Variants in COBLL1 observed in about 807,000 individuals in gnomAD.
The protein encoded by COBLL1 is cordon-bleu WH2 repeat protein like 1.
COBLL1 carries 50 observed loss-of-function variants against 94.8 expected under a neutral mutation model. The ratio of observed to expected loss-of-function variants is 0.53; its 90% confidence interval spans 0.42 to 0.67. COBLL1 has a LOEUF of 0.67. COBLL1 is among the 30% of genes least tolerant of loss of function. The pLI, the probability that COBLL1 is intolerant of heterozygous loss-of-function variation, is 0.00. For missense variants in COBLL1, 1,362 were observed against 1,348.7 expected (o/e 1.01, Z -0.15); for synonymous variants, 448 against 473.8 (o/e 0.95, Z 0.71).
intron 5 of COBLL1, among the ~76,000 whole-genome samples, chr2:164,727,647 G>C (rs1685780044): frequency 6.8e-6 from 1 of 147,316 alleles, no homozygotes; most frequent in Non-Finnish European, 1.5e-5. Context: ...TTTATTTTCT[G>C]TTTAAGCCTC....
chr2:164,697,229 T>A (rs1199472825), intron 11 of COBLL1: 2 of 152,176 alleles, frequency 1.3e-5, no homozygotes, highest in African/African-American at 4.8e-5. Context: ...ATTAAACATG[T>A]AATTTTAAAA....
intron 2 of COBLL1, chr2:164,800,631 A>C (rs1683722686): frequency 1.4e-6 from 1 of 691,942 alleles, no homozygotes; most frequent in Non-Finnish European, 2.6e-6. Flanking sequence ...ATTCATAATG[A>C]ACCCAAACTG....
At chr2:164,768,637 T>C (rs1558996551) in intron 2 of COBLL1, among the ~76,000 whole-genome samples, 1 of 152,160 alleles carries the variant, frequency 6.6e-6, no homozygotes, top group Non-Finnish European at 1.5e-5. Context: ...TTATGTCTAT[T>C]AGTTAAATGC....
chr2:164,704,817 G>T, intron 8 of COBLL1, 135 bp downstream of exon 8: 3 of 970,432 alleles, frequency 3.1e-6, no homozygotes, highest in Non-Finnish European at 4.5e-6. Context: ...CGGCAGCAAA[G>T]TGAGACTAAT....
intron 3 of COBLL1, among the ~76,000 whole-genome samples, chr2:164,735,746 G>C (rs1686271117): frequency 6.6e-6 from 1 of 152,130 alleles, no homozygotes; most frequent in Non-Finnish European, 1.5e-5. Flanking sequence ...ATTCTGGTTG[G>C]ATAATCATCC....
chr2:164,770,230 G>A (rs1300559097), intron 2 of COBLL1, among the ~76,000 whole-genome samples: 1 of 151,762 alleles, frequency 6.6e-6, no homozygotes, highest in Non-Finnish European at 1.5e-5. Context: ...ACTGTATGCC[G>A]TATCTGTGTG....
rs1199807519 is a variant in COBLL1 at position 164,694,318 on chromosome 2, T to C, written c.3074A>G (p.His1025Arg). ...GATGTCCACAAATTTATTTACAGAA[T>C]GAGTCTTCCCTTCCTCTGTGTTGGC... ...PPANTEEGKT[H>R]SVNKFVDIPQ... is the part of the protein sequence containing the mutation. The change falls in exon 12 of 14, where the codon CAT becomes CGT. Residue 1025 changes from histidine to arginine, a missense_variant. By Grantham distance (29) the His-to-Arg change is conservative. Coordinates refer to ENST00000652658, the MANE Select transcript of COBLL1 (RefSeq NM_001365672.2). 6.2e-7 allele frequency: 1 copy of C among 1,613,350 alleles called. No individual in the cohort carries two copies. Among genetic ancestry groups the C allele is most frequent in the Non-Finnish European group, 8.5e-7 (1 of 1,179,314 alleles).
At position 164,728,156 on chromosome 2, in the gene COBLL1, C is replaced by A; in HGVS notation, c.474G>T (p.Lys158Asn). 6.2e-7 allele frequency: 1 copy of A among 1,613,556 alleles called. No individual in the cohort carries two copies. The highest frequency in any genetic ancestry group is 8.5e-7 in the Non-Finnish European group (1 of 1,179,580). ...CATGTGGACTCACTCTCACTATGGTCTTCTGTGTTTTCTTAAAATTAATCA... is the reference window on the plus strand; with the variant it reads ...CATGTGGACTCACTCTCACTATGGTATTCTGTGTTTTCTTAAAATTAATCA... ...RVVINFKKTQKTIVRVSPHAS... is the reference protein window; with the variant it reads ...RVVINFKKTQNTIVRVSPHAS... Residue 158 changes from lysine (K) to asparagine (N), a missense_variant, in exon 5 of 14, where the codon AAG (lysine) becomes AAT (asparagine). By Grantham distance (94) the Lys-to-Asn change is moderately conservative (BLOSUM62 0). Coordinates refer to ENST00000652658, the MANE Select transcript of COBLL1 (RefSeq NM_001365672.2).
chr2:164,703,056 T>C, intron 9 of COBLL1: 1 of 1,111,056 alleles, frequency 9.0e-7, no homozygotes, highest in East Asian at 2.4e-5. Context: ...GATGATATCT[T>C]AACCTGCCTG....
chr2:164,800,419 C>G, intron 2 of COBLL1: 1 of 600,760 alleles, frequency 1.7e-6, no homozygotes, highest in Non-Finnish European at 3.0e-6. Flanking sequence ...ACCAACGATA[C>G]TATGTTGGTG....
At position 164,694,424 on chromosome 2, in the gene COBLL1, G is replaced by A. The variant is rs1340855773; in HGVS notation, c.2968C>T (p.Leu990Phe). ...YSSSGPSPFA[L>F]AVVKRSQSFS... ...GACTGTGACCTTTTCACTACAGCAA[G>A]AGCAAACGGTGAAGGACCAGAACTT... Residue 990 changes from leucine (L) to phenylalanine (F), a missense_variant, in exon 12 of 14, where the codon CTT becomes TTT. Transcript: ENST00000652658. 3 of 1,613,934 alleles carry A rather than the reference G, an allele frequency of 1.9e-6. No individual in the cohort carries two copies. Among genetic ancestry groups the A allele is most frequent in the Middle Eastern group, 1.6e-4 (1 of 6,062 alleles).
chr2:164,762,574 C>T (rs901752418), intron 2 of COBLL1, among the ~76,000 whole-genome samples: 10 of 152,184 alleles, frequency 6.6e-5, no homozygotes, highest in African/African-American at 1.4e-4. Flanking sequence ...GTGTATTATA[C>T]GAGAACAAAC....
chr2:164,694,888 G>A lies in COBLL1; in HGVS notation c.2504C>T (p.Thr835Ile). The A allele has an allele frequency of 6.2e-7, 1 of 1,613,988 alleles. No homozygotes were observed. The highest frequency in any genetic ancestry group is 1.7e-5 in the Admixed American group (1 of 59,994). The change falls in exon 12 of 14, where the codon ACA (threonine) becomes ATA (isoleucine). Residue 835 changes from threonine to isoleucine, a missense_variant. Thr to Ile is a moderately conservative substitution (Grantham distance 89). Coordinates refer to ENST00000652658, the MANE Select transcript of COBLL1 (RefSeq NM_001365672.2). ...PAPKMTRDTGTAPFAPNLEEI... is the reference protein window; with the variant it reads ...PAPKMTRDTGIAPFAPNLEEI... ...TTCCAAATTTGGTGCAAAAGGAGCT[G>A]TGCCAGTGTCTCTTGTCATTTTGGG...
chr2:164,841,329 C>A lies in COBLL1; in HGVS notation c.-50-83G>T, dbSNP rs1170809259. 1.7e-6 allele frequency: 2 copies of A among 1,205,124 alleles called. No individual in the cohort carries two copies. Among genetic ancestry groups the A allele is most frequent in the African/African-American group, 1.6e-5 (1 of 63,216 alleles). The allele number at this position is 1,205,124 out of a possible 1,614,324, so 74.7% of individuals were successfully genotyped here. The stretch of plus-strand genomic sequence containing the variant: ...CGAAGCTGGCTGAGCGTCAAGAGCC[C>A]GCCCGAGCCGCTCCAGCCCCGGCCG... On this transcript the variant is annotated intron_variant, in intron 1 of 13. Transcript: ENST00000652658. This position sits in a 1 kb window ranked among gnomAD's most constrained non-coding sequence, Gnocchi z 5.5.
chr2:164,840,841 C>A, intron 2 of COBLL1: 1 of 298,852 alleles, frequency 3.3e-6, no homozygotes, highest in Non-Finnish European at 6.1e-6. Context: ...CACCGCTCCC[C>A]CAGAGCCCAA....
At chr2:164,834,541 C>G (rs1451623938) in intron 2 of COBLL1, among the ~76,000 whole-genome samples, 1 of 152,188 alleles carries the variant, frequency 6.6e-6, no homozygotes, top group Non-Finnish European at 1.5e-5. Flanking sequence ...ACTTAGAAGT[C>G]TCCTGTATGC....
Position 164,743,825 on chromosome 2 carries a change from G to T in COBLL1, c.92C>A (p.Thr31Asn), listed in dbSNP as rs371657216. 2 of 1,610,782 alleles carry T rather than the reference G, an allele frequency of 1.2e-6. No homozygotes were observed. Among genetic ancestry groups the T allele is most frequent in the Non-Finnish European group, 1.7e-6 (2 of 1,177,846 alleles). ...APLPPAETKYTDVSSAADSVE... is the reference protein window; with the variant it reads ...APLPPAETKYNDVSSAADSVE... ...AGAATCAGCAGCTGAAGAGACATCA[G>T]TATATTTGGTCTCAGCTGGAGGAAG... is the stretch of plus-strand genomic sequence containing the variant. Residue 31 changes from threonine (T) to asparagine (N), a missense_variant, in exon 3 of 14, where the codon ACT becomes AAT. By Grantham distance (65) the Thr-to-Asn change is moderately conservative. Transcript: ENST00000652658.
chr2:164,781,505 A>G (rs1222041259), intron 2 of COBLL1, among the ~76,000 whole-genome samples: 1 of 152,208 alleles, frequency 6.6e-6, no homozygotes, highest in Non-Finnish European at 1.5e-5. Flanking sequence ...CACTTTGTAA[A>G]GTGCTGCTGA....
At chr2:164,781,578 C>T (rs964477980) in intron 2 of COBLL1, among the ~76,000 whole-genome samples, 2 of 152,162 alleles carry the variant, frequency 1.3e-5, no homozygotes, top group African/African-American at 4.8e-5. Flanking sequence ...TTACAAGATA[C>T]TTCACTGATA....
Sources: allele counts gnomAD v4.1 joint callset (sites outside exome capture counted in the v4.1 genomes callset), GRCh38; gene constraint gnomAD v4.1.1; non-coding constraint Gnocchi (gnomAD v3.1); transcripts MANE v1.5; gene names NCBI Gene and HGNC (gene_info 2026-07-23, HGNC 2026-07-21).